Variants in EIF4G3 observed in about 807,000 individuals in gnomAD.
EIF4G3 encodes the protein eIF-4-gamma 3.
Under a neutral mutation model 186.4 loss-of-function variants are expected in EIF4G3, and 34 were observed. That is an observed-to-expected ratio of 0.18 (90% CI 0.14 to 0.24). The LOEUF (loss-of-function observed/expected upper bound fraction) is 0.24, where lower values mean the gene tolerates loss of function less well. EIF4G3 is among the 10% of genes least tolerant of loss of function. The pLI, the probability that EIF4G3 is intolerant of heterozygous loss-of-function variation, is 1.00. For synonymous variants in EIF4G3, 673 were observed against 679.5 expected (o/e 0.99, Z 0.15); for missense variants, 1,536 against 1,948.5 (o/e 0.79, Z 3.99).
chr1:21,157,536 A>G (rs538053539), intron 2 of EIF4G3, among the ~76,000 whole-genome samples: 2 of 151,606 alleles, frequency 1.3e-5, no homozygotes, highest in Admixed American at 6.6e-5. Flanking sequence ...GGGTTTCCCT[A>G]TGTTGCCCAG....
chr1:21,143,157 G>A lies in EIF4G3; in HGVS notation c.-272+33018C>T, dbSNP rs961865722. Among the ~76,000 whole-genome samples, 4 of 152,180 alleles carry A rather than the reference G, an allele frequency of 2.6e-5. No homozygotes were observed. The East Asian group carries it at 7.7e-4, about 29-fold the overall frequency. On this transcript the variant is annotated intron_variant, in intron 2 of 36. Transcript: ENST00000602326. ...CCAGCTACTAGGGAGGTTGAGGCTGGAGAATAACTTGAACCTGGGAGGCAG... is the reference window on the plus strand; with the variant it reads ...CCAGCTACTAGGGAGGTTGAGGCTGAAGAATAACTTGAACCTGGGAGGCAG...
intron 2 of EIF4G3, among the ~76,000 whole-genome samples, chr1:21,171,460 T>C (rs1414532623): frequency 6.6e-6 from 1 of 152,152 alleles, no homozygotes; most frequent in Non-Finnish European, 1.5e-5. Context: ...CCACTGAAGT[T>C]AGAGAGGTGC....
chr1:20,876,643 TA>T (rs1212444179), intron 20 of EIF4G3, among the ~76,000 whole-genome samples: 1 of 151,948 alleles, frequency 6.6e-6, no homozygotes, highest in Non-Finnish European at 1.5e-5. Flanking sequence ...AAGCAGAGAG[TA>T]ATAACTGTAT....
intron 4 of EIF4G3, among the ~76,000 whole-genome samples, chr1:21,020,119 TCTTA>T (rs1462303513): frequency 1.3e-5 from 2 of 152,186 alleles, no homozygotes; most frequent in Non-Finnish European, 2.9e-5. Flanking sequence ...AACAACATTT[TCTTA>T]CTTATTCTTT....
intron 2 of EIF4G3, among the ~76,000 whole-genome samples, chr1:21,099,667 G>A (rs1181706987): frequency 6.6e-6 from 1 of 152,118 alleles, no homozygotes; most frequent in African/African-American, 2.4e-5. Context: ...AGAGGTTGGG[G>A]GCAGAGTTTA....
intron 2 of EIF4G3, among the ~76,000 whole-genome samples, chr1:21,157,961 T>C (rs1456166960): frequency 6.6e-6 from 1 of 152,120 alleles, no homozygotes; most frequent in Non-Finnish European, 1.5e-5. Flanking sequence ...TCTCAAAATA[T>C]TCCAAGAAAA....
intron 4 of EIF4G3, among the ~76,000 whole-genome samples, chr1:21,021,517 C>G (rs946510364): frequency 2.6e-5 from 4 of 152,038 alleles, no homozygotes; most frequent in African/African-American, 7.2e-5. Flanking sequence ...TACAGCATAA[C>G]AGTAACCATA....
chr1:20,926,049 A>G (rs951672881), intron 14 of EIF4G3, among the ~76,000 whole-genome samples: 11 of 152,180 alleles, frequency 7.2e-5, no homozygotes, highest in African/African-American at 2.4e-4. Flanking sequence ...AGCTTTATGT[A>G]TATATTCATC....
chr1:21,053,994 C>G (rs1471841916), intron 3 of EIF4G3, among the ~76,000 whole-genome samples: 1 of 152,140 alleles, frequency 6.6e-6, no homozygotes, highest in Admixed American at 6.5e-5. Context: ...TGAGAACGGG[C>G]CACGATGACA....
At chr1:21,031,384 CAAAA>C (rs35183246) in intron 4 of EIF4G3, among the ~76,000 whole-genome samples, 4 of 73,368 alleles carry the variant, frequency 5.5e-5, no homozygotes, top group Non-Finnish European at 6.0e-5. Context: ...GGAATGATGG[CAAAA>C]AAAAAAAAAA....
chr1:21,125,488 G>A (rs1185711317), intron 2 of EIF4G3, among the ~76,000 whole-genome samples: 2 of 152,098 alleles, frequency 1.3e-5, no homozygotes, highest in Non-Finnish European at 2.9e-5. Context: ...GGAGACCAAG[G>A]CAGGCAGATC....
chr1:21,141,858 G>A (rs1248324053), intron 2 of EIF4G3, among the ~76,000 whole-genome samples: 1 of 151,416 alleles, frequency 6.6e-6, no homozygotes, highest in African/African-American at 2.4e-5. Flanking sequence ...TTGAGCCTGG[G>A]AAATCGACGC....
intron 14 of EIF4G3, among the ~76,000 whole-genome samples, chr1:20,914,884 G>GA (rs199615532): frequency 6.6e-6 from 1 of 152,170 alleles, no homozygotes; most frequent in Admixed American, 6.5e-5. Context: ...TATTTGAAAA[G>GA]AATGTGTATC....
chr1:21,027,476 A>G (rs1363484366), intron 4 of EIF4G3, among the ~76,000 whole-genome samples: 1 of 151,836 alleles, frequency 6.6e-6, no homozygotes, highest in East Asian at 2.0e-4. Context: ...TAAAAATACA[A>G]AAAATTAGCC....
chr1:20,968,429 C>T (rs2075174554), intron 12 of EIF4G3, among the ~76,000 whole-genome samples: 1 of 152,164 alleles, frequency 6.6e-6, no homozygotes, highest in African/African-American at 2.4e-5. Flanking sequence ...ATTTGGCCCA[C>T]CTCAGCCTCC....
At chr1:21,082,755 T>C (rs368227228) in intron 3 of EIF4G3, among the ~76,000 whole-genome samples, 21 of 151,948 alleles carry the variant, frequency 1.4e-4, no homozygotes, top group African/African-American at 4.1e-4. Flanking sequence ...GTTTAAAAAA[T>C]TGGCCGGGCG....
At chr1:21,095,915 A>G (rs2096357062) in intron 2 of EIF4G3, among the ~76,000 whole-genome samples, 1 of 152,254 alleles carries the variant, frequency 6.6e-6, no homozygotes, top group Admixed American at 6.5e-5. Context: ...AATGATATTC[A>G]TATGCAAAAA....
intron 18 of EIF4G3, chr1:20,892,558 G>T: frequency 8.5e-7 from 1 of 1,175,278 alleles, no homozygotes. Context: ...TAAAAAGAGC[G>T]TAACAGAAAA....
chr1:20,933,821 T>C (rs1167920746), intron 14 of EIF4G3, among the ~76,000 whole-genome samples: 1 of 152,184 alleles, frequency 6.6e-6, no homozygotes, highest in Non-Finnish European at 1.5e-5. Flanking sequence ...AATAGGTGAC[T>C]GGTTTAGTAT....
Sources: gnomAD v4.1 joint callset for allele counts (sites outside exome capture counted in the v4.1 genomes callset) on GRCh38, gnomAD v4.1.1 for gene constraint, MANE v1.5 for transcripts, NCBI Gene and HGNC (gene_info 2026-07-23, HGNC 2026-07-21) for gene names.